The following FBXL7 variants were observed in gnomAD, a reference collection of about 807,000 sequenced individuals.
FBXL7 encodes F-box and leucine rich repeat protein 7.
In FBXL7, 12 loss-of-function variants were observed where a neutral mutation model predicts 38.3. The observed-to-expected ratio is 0.31, with a 90% CI of 0.20 to 0.51. FBXL7 has a LOEUF of 0.51. Among genes scored for constraint, FBXL7 ranks in the 20% least tolerant of loss-of-function variants. FBXL7 has a pLI of 0.98. For synonymous variants in FBXL7, 297 were observed against 300.9 expected (o/e 0.99, Z 0.13); for missense variants, 567 against 676.4 (o/e 0.84, Z 1.79).
chr5:15,526,706 T>A (rs1371567353), intron 1 of FBXL7, among the ~76,000 whole-genome samples: 3 of 152,102 alleles, frequency 2.0e-5, no homozygotes, highest in African/African-American at 7.2e-5. Flanking sequence ...TCTAGCTAAA[T>A]GAAGAGAGTA....
At chr5:15,624,228 A>G (rs1015013865) in intron 2 of FBXL7, among the ~76,000 whole-genome samples, 2 of 152,168 alleles carry the variant, frequency 1.3e-5, no homozygotes, top group African/African-American at 4.8e-5. Flanking sequence ...TCATGTTGAA[A>G]TTTGGCCCCC....
intron 2 of FBXL7, among the ~76,000 whole-genome samples, chr5:15,863,264 C>T (rs1043541644): frequency 6.6e-6 from 1 of 152,156 alleles, no homozygotes; most frequent in Non-Finnish European, 1.5e-5. Flanking sequence ...GAGGAAATCC[C>T]TAAAATTAAA....
chr5:15,677,136 TG>T (rs1439586889), intron 2 of FBXL7, among the ~76,000 whole-genome samples: 1 of 152,222 alleles, frequency 6.6e-6, no homozygotes, highest in Non-Finnish European at 1.5e-5. Flanking sequence ...CTGTTCTTTT[TG>T]GGGTAGAGAA....
chr5:15,780,303 G>A (rs1191179888), intron 2 of FBXL7, among the ~76,000 whole-genome samples: 1 of 152,016 alleles, frequency 6.6e-6, no homozygotes, highest in Non-Finnish European at 1.5e-5. Context: ...TTACTGGAAG[G>A]AACCCCAGGT....
rs1735970042 is a variant in FBXL7, at chr5:15,744,658, T to C, written c.127+128586T>C. Among the ~76,000 whole-genome samples, 7 of 152,192 alleles carry C rather than the reference T, an allele frequency of 4.6e-5. 1 individual carries two copies. The highest frequency in any genetic ancestry group is 4.6e-4 in the Admixed American group (7 of 15,274). ...AAAGTCGCTTCCACATTTTTGGGTA[T>C]CTTTATAGCAGCACCCCACTCTCTG... On this transcript the variant is annotated intron_variant, in intron 2 of 3. Transcript: ENST00000504595.
In FBXL7 at chr5:15,528,183, G is replaced by A. The variant is rs554866278; in HGVS notation, c.37+27470G>A. 7.2e-5 allele frequency among the ~76,000 whole-genome samples: 11 copies of A among 152,204 alleles called. No homozygotes were observed. The East Asian group carries it at 2.1e-3, about 29-fold the overall frequency. Reference sequence around the variant, plus strand: ...AGACATTGGATAGGAAGAGTATCGGGGACCCTCCCTAATCTACTAAGATTA... The same window carrying A: ...AGACATTGGATAGGAAGAGTATCGGAGACCCTCCCTAATCTACTAAGATTA... On this transcript the variant is annotated intron_variant, in intron 1 of 3. Transcript: ENST00000504595.
chr5:15,913,404 A>G (rs923486550), intron 2 of FBXL7, among the ~76,000 whole-genome samples: 2 of 152,214 alleles, frequency 1.3e-5, no homozygotes, highest in Non-Finnish European at 2.9e-5. Context: ...AGGAAATGCA[A>G]GGATTCACTA....
intron 2 of FBXL7, among the ~76,000 whole-genome samples, chr5:15,885,675 G>A (rs541919729): frequency 1.8e-4 from 27 of 152,188 alleles, no homozygotes; most frequent in East Asian, 5.8e-4. Flanking sequence ...TGTATAAGTC[G>A]CACTGGGCAA....
At chr5:15,875,213 C>A (rs1347780377) in intron 2 of FBXL7, among the ~76,000 whole-genome samples, 3 of 152,122 alleles carry the variant, frequency 2.0e-5, no homozygotes, top group African/African-American at 7.2e-5. Flanking sequence ...TAGCCATAGG[C>A]AGAAAGTTGA....
intron 2 of FBXL7, among the ~76,000 whole-genome samples, chr5:15,729,740 T>C (rs911389034): frequency 6.6e-6 from 1 of 152,174 alleles, no homozygotes; most frequent in Admixed American, 6.6e-5. Context: ...TAAATAGTAA[T>C]GATAATTTTC....
intron 2 of FBXL7, among the ~76,000 whole-genome samples, chr5:15,859,589 G>A (rs752756569): frequency 1.3e-5 from 2 of 152,098 alleles, no homozygotes; most frequent in South Asian, 2.1e-4. Flanking sequence ...CTCGCATGGC[G>A]GCAGACAAGA....
chr5:15,902,795 G>A (rs1488013280), intron 2 of FBXL7, among the ~76,000 whole-genome samples: 1 of 152,232 alleles, frequency 6.6e-6, no homozygotes, highest in Non-Finnish European at 1.5e-5. Flanking sequence ...TGTTGTCATT[G>A]TCAGTCCTTC....
intron 2 of FBXL7, among the ~76,000 whole-genome samples, chr5:15,802,845 G>A (rs1317449865): frequency 6.6e-6 from 1 of 151,958 alleles, no homozygotes; most frequent in African/African-American, 2.4e-5. Context: ...TAGACACAGG[G>A]TTTCACCATG....
chr5:15,504,693 A>ACAC, intron 1 of FBXL7, among the ~76,000 whole-genome samples: 3 of 152,168 alleles, frequency 2.0e-5, no homozygotes, highest in African/African-American at 7.2e-5. Flanking sequence ...GTGTGTGTAT[A>ACAC]TCTCTTTCAT....
At position 15,732,172 on chromosome 5, in the gene FBXL7, C is replaced by T. The variant is rs534424710; in HGVS notation, c.127+116100C>T. Reference sequence around the variant, plus strand: ...CAAAGTTAACCAAATAGCTCTTATGCGAATTCCACAGATGTGCTTATTTAT... The same window carrying T: ...CAAAGTTAACCAAATAGCTCTTATGTGAATTCCACAGATGTGCTTATTTAT... On this transcript the variant is annotated intron_variant, in intron 2 of 3. Coordinates refer to ENST00000504595, the MANE Select transcript of FBXL7 (RefSeq NM_012304.5). Among the ~76,000 whole-genome samples, 10 of 152,270 alleles carry T rather than the reference C, an allele frequency of 6.6e-5. No individual in the cohort carries two copies. The South Asian group carries it at 1.0e-3, about 16-fold the overall frequency.
chr5:15,883,102 C>T (rs1740527891), intron 2 of FBXL7, among the ~76,000 whole-genome samples: 1 of 152,088 alleles, frequency 6.6e-6, no homozygotes, highest in African/African-American at 2.4e-5. Flanking sequence ...TAAAATCATC[C>T]TTTTCAAATT....
intron 2 of FBXL7, among the ~76,000 whole-genome samples, chr5:15,869,967 G>A (rs1027954197): frequency 2.0e-5 from 3 of 152,022 alleles, no homozygotes; most frequent in Non-Finnish European, 4.4e-5. Flanking sequence ...AAAATTAGCT[G>A]GATGTGGTGG....
chr5:15,875,019 CA>C (rs1470625640), intron 2 of FBXL7, among the ~76,000 whole-genome samples: 1 of 152,168 alleles, frequency 6.6e-6, no homozygotes, highest in East Asian at 1.9e-4. Context: ...AACTATACTA[CA>C]AGGCTAAAAT....
intron 2 of FBXL7, among the ~76,000 whole-genome samples, chr5:15,855,723 A>T (rs894607010): frequency 6.6e-6 from 1 of 152,144 alleles, no homozygotes; most frequent in Non-Finnish European, 1.5e-5. Context: ...ACCAACATTT[A>T]TGGAACATTT....
Sources: gnomAD v4.1 joint callset for allele counts (sites outside exome capture counted in the v4.1 genomes callset) on GRCh38, gnomAD v4.1.1 for gene constraint, MANE v1.5 for transcripts, NCBI Gene and HGNC (gene_info 2026-07-23, HGNC 2026-07-21) for gene names.